Variants in NSDHL observed in about 807,000 individuals in gnomAD.
NSDHL encodes NAD(P) dependent 3-beta-hydroxysteroid dehydrogenase NSDHL.
NSDHL carries 1 observed loss-of-function variant against 23.0 expected under a neutral mutation model. That is an observed-to-expected ratio of 0.04 (90% CI 0.02 to 0.21). The LOEUF is 0.21. Ranked by LOEUF, NSDHL falls within the 10% of genes least tolerant of loss-of-function variation. The pLI is 1.00. For synonymous variants in NSDHL, 128 were observed against 121.1 expected (o/e 1.06, Z -0.37); for missense variants, 237 against 300.9 (o/e 0.79, Z 1.57).
chrX:152,866,390 C>A (rs1464134330), intron 6 of NSDHL, among the ~76,000 whole-genome samples: 1 of 113,049 alleles, frequency 8.8e-6, no homozygotes, highest in East Asian at 2.8e-4. Context: ...TGCGGGGATG[C>A]AAAGATTCAG....
At chrX:152,861,025 T>TAAC (rs1236194871) in intron 4 of NSDHL, among the ~76,000 whole-genome samples, 4 of 112,658 alleles carry the variant, frequency 3.6e-5, no homozygotes, top group African/African-American at 1.3e-4. Context: ...TTGGCATATG[T>TAAC]AACTCTGGTT....
At chrX:152,842,537 C>T (rs1016407960) in intron 1 of NSDHL, among the ~76,000 whole-genome samples, 1 of 111,513 alleles carries the variant, frequency 9.0e-6, no homozygotes, top group Admixed American at 9.5e-5. Context: ...CTTGTTCTGT[C>T]GCCCAGGCTG....
intron 1 of NSDHL, among the ~76,000 whole-genome samples, chrX:152,845,060 G>A (rs1933250108): frequency 8.9e-6 from 1 of 112,079 alleles, no homozygotes; most frequent in African/African-American, 3.2e-5. Context: ...GCCATGACAA[G>A]TCAAGTTTTG....
intron 1 of NSDHL, among the ~76,000 whole-genome samples, chrX:152,842,451 AT>A (rs782557860): frequency 2.2e-4 from 24 of 111,480 alleles, no homozygotes; most frequent in Non-Finnish European, 4.0e-4. Flanking sequence ...TGTGGTTTTG[AT>A]TTGCATTGCC....
rs138304719 is a variant in NSDHL, at chrX:152,850,077, G to C, written c.109-188G>C. Among the ~76,000 whole-genome samples the C allele has an allele frequency of 5.9e-3, 664 of 112,119 alleles. 7 individuals carry two copies. Among genetic ancestry groups the C allele is most frequent in the African/African-American group, 0.02 (626 of 30,836 alleles). ...TCTCTTCCCTCCTTACTGATCCCAGGAGAGAAGGTTAGGGTTGCACTAGTG... is the reference window on the plus strand; with the variant it reads ...TCTCTTCCCTCCTTACTGATCCCAGCAGAGAAGGTTAGGGTTGCACTAGTG... On this transcript the variant is annotated intron_variant, in intron 2 of 7. Transcript: ENST00000370274.
chrX:152,842,674 G>A (rs1165151771), intron 1 of NSDHL, among the ~76,000 whole-genome samples: 3 of 110,631 alleles, frequency 2.7e-5, no homozygotes, highest in Non-Finnish European at 5.7e-5. Context: ...GCTAATTTTT[G>A]TATTTTTAGT....
At chrX:152,847,412 C>T (rs921177590) in intron 2 of NSDHL, among the ~76,000 whole-genome samples, 3 of 112,003 alleles carry the variant, frequency 2.7e-5, no homozygotes, top group East Asian at 5.6e-4. Flanking sequence ...TATCATGGGC[C>T]GTGAAATCAC....
At chrX:152,833,551 T>TG (rs1204544669) in intron 1 of NSDHL, among the ~76,000 whole-genome samples, 2 of 112,277 alleles carry the variant, frequency 1.8e-5, no homozygotes, top group African/African-American at 6.5e-5. Context: ...GCTTCACACT[T>TG]GCTGTGACAC....
intron 1 of NSDHL, among the ~76,000 whole-genome samples, chrX:152,834,909 C>T (rs914214926): frequency 1.8e-5 from 2 of 112,758 alleles, no homozygotes; most frequent in Admixed American, 9.3e-5. Flanking sequence ...GATGAGCTCT[C>T]AGTGGCCACA....
chrX:152,835,225 A>T (rs782793884), intron 1 of NSDHL, among the ~76,000 whole-genome samples: 1 of 110,854 alleles, frequency 9.0e-6, no homozygotes, highest in South Asian at 3.9e-4. Flanking sequence ...CTCCCTTTCA[A>T]GATGTGATAT....
intron 3 of NSDHL, among the ~76,000 whole-genome samples, chrX:152,852,094 C>G (rs1220027662): frequency 9.0e-6 from 1 of 110,742 alleles, no homozygotes; most frequent in African/African-American, 3.3e-5. Flanking sequence ...TGCCTCACTG[C>G]CTTTAGTTCC....
At chrX:152,840,492 T>TG (rs369723712) in intron 1 of NSDHL, among the ~76,000 whole-genome samples, 3,049 of 112,234 alleles carry the variant, frequency 0.027, 96 homozygotes, top group African/African-American at 0.093. Flanking sequence ...GGTTTTGGTG[T>TG]GATGTCCTTT....
At chrX:152,858,467 T>G (rs1018763002) in intron 3 of NSDHL, among the ~76,000 whole-genome samples, 8 of 111,810 alleles carry the variant, frequency 7.2e-5, no homozygotes. Flanking sequence ...TTTTACCTCC[T>G]AGGTGCCTGC....
chrX:152,832,859 G>T (rs782235371), intron 1 of NSDHL, among the ~76,000 whole-genome samples: 46 of 111,860 alleles, frequency 4.1e-4, no homozygotes, highest in Non-Finnish European at 7.5e-4. Flanking sequence ...GTGGCCTGAT[G>T]TTGAGCAGGT....
rs781953135 is a variant in NSDHL, at chrX:152,846,286, G to T, written c.-39G>T. 9.7e-7 allele frequency: 1 copy of T among 1,026,414 alleles called. No homozygotes were observed. The highest frequency in any genetic ancestry group is 3.0e-5 in the East Asian group (1 of 33,083). The allele number at this position is 1,026,414 out of a possible 1,213,427, so 84.6% of individuals were successfully genotyped here. A position where few individuals can be genotyped will look rare whatever the true frequency, so the allele number is the denominator to read the frequency against. On this transcript the variant is annotated 5_prime_UTR_variant, in exon 2 of 8. Coordinates refer to ENST00000370274, the MANE Select transcript of NSDHL (RefSeq NM_015922.3). ...GTCTCTAACTATGTCTTTAAGAAAAGAAAAGTTGATTACAAACGGGACCAT... is the reference window on the plus strand; with the variant it reads ...GTCTCTAACTATGTCTTTAAGAAAATAAAAGTTGATTACAAACGGGACCAT...
intron 1 of NSDHL, among the ~76,000 whole-genome samples, chrX:152,835,360 T>A (rs1933077209): frequency 9.2e-6 from 1 of 109,147 alleles, no homozygotes; most frequent in Non-Finnish European, 1.9e-5. Context: ...CATGCAGGTT[T>A]GTTACATAGG....
intron 4 of NSDHL, among the ~76,000 whole-genome samples, chrX:152,859,301 G>A (rs1556847296): frequency 9.0e-6 from 1 of 111,643 alleles, no homozygotes; most frequent in Non-Finnish European, 1.9e-5. Flanking sequence ...ATGTTGTATA[G>A]CCATTACCAC....
chrX:152,847,533 G>A (rs1297770468), intron 2 of NSDHL, among the ~76,000 whole-genome samples: 1 of 111,295 alleles, frequency 9.0e-6, no homozygotes, highest in African/African-American at 3.3e-5. Flanking sequence ...ATGGCTACTT[G>A]GCAGCCAGCA....
chrX:152,840,584 T>C (rs1389258408), intron 1 of NSDHL, among the ~76,000 whole-genome samples: 1 of 112,360 alleles, frequency 8.9e-6, no homozygotes, highest in Non-Finnish European at 1.9e-5. Flanking sequence ...TCTGTTGGAA[T>C]TTGCTGGAGC....
Sources: gnomAD v4.1 joint callset for allele counts (sites outside exome capture counted in the v4.1 genomes callset) on GRCh38, gnomAD v4.1.1 for gene constraint, MANE v1.5 for transcripts, NCBI Gene and HGNC (gene_info 2026-07-23, HGNC 2026-07-21) for gene names.